DONSON: variants seen among roughly 807,000 people sequenced by gnomAD.
DONSON encodes the protein protein downstream neighbor of Son.
In DONSON, 43 loss-of-function variants were observed where a neutral mutation model predicts 62.1. The ratio of observed to expected loss-of-function variants is 0.69; its 90% confidence interval spans 0.54 to 0.89. The LOEUF is 0.89. DONSON is among the 40% of genes least tolerant of loss of function. The pLI is 0.00. For synonymous variants in DONSON, 266 were observed against 264.6 expected (o/e 1.01, Z -0.05); for missense variants, 696 against 697.5 (o/e 1.00, Z 0.03).
chr21:33,579,574 T>G lies in DONSON; in HGVS notation c.1351-12A>C. On this transcript the variant is annotated splice_polypyrimidine_tract_variant and intron_variant, in intron 8 of 9. Coordinates refer to ENST00000303071, the MANE Select transcript of DONSON (RefSeq NM_017613.4). The stretch of plus-strand genomic sequence containing the variant: ...TTCACACTCCGTGCCTTCATGAAAA[T>G]GTAAAGAAAAGGAAAATTAAGATCA... 2 of 1,605,554 alleles carry G rather than the reference T, an allele frequency of 1.2e-6. No homozygotes were observed. Among genetic ancestry groups the G allele is most frequent in the Non-Finnish European group, 1.7e-6 (2 of 1,174,304 alleles).
At chr21:33,585,693 T>G (rs2086569928) in intron 3 of DONSON, among the ~76,000 whole-genome samples, 1 of 152,002 alleles carries the variant, frequency 6.6e-6, no homozygotes, top group Non-Finnish European at 1.5e-5. Context: ...ATTTTCTTTC[T>G]CAAAAAGCCT....
At chr21:33,579,641 T>A in intron 8 of DONSON, 79 bp from the exon 9 acceptor site, 1 of 1,187,194 alleles carries the variant, frequency 8.4e-7, no homozygotes, top group African/African-American at 1.5e-5. Context: ...TTCAATATAT[T>A]TCCATTTGGG....
rs2086433600 is a variant in DONSON, at chr21:33,577,603, CTACACACACACACACACACACACACA to C, written c.*678_*703del. On this transcript the variant is annotated 3_prime_UTR_variant, in exon 10 of 10. Transcript: ENST00000303071. ...AAAATGTGAATTATACAGTCCCCCC[CTACACACACACACACACACACACACA>C]CACACACACACACACACACACACAC... 2.1e-4 allele frequency: 11 copies of C among 51,718 alleles called. 2 individuals carry two copies. The highest frequency in any genetic ancestry group is 7.5e-4 in the African/African-American group (10 of 13,332). 3.2% of individuals were successfully genotyped at this position (51,718 alleles called of 1,614,324 possible). A position where few individuals can be genotyped will look rare whatever the true frequency, so the allele number is the denominator to read the frequency against.
intron 2 of DONSON, among the ~76,000 whole-genome samples, chr21:33,587,138 G>C (rs929564576): frequency 6.6e-6 from 1 of 152,188 alleles, no homozygotes; most frequent in Admixed American, 6.5e-5. Context: ...TGTGTTAGGG[G>C]AGAGGAGCAA....
Position 33,578,274 on chromosome 21 carries a change from C to T in DONSON, c.*33G>A. ...AATTTCCTTGCTAGAAGGCTTTTTT[C>T]CTCAAAGATTCCTTTTAGGCTTACT... On this transcript the variant is annotated 3_prime_UTR_variant, in exon 10 of 10. Coordinates refer to ENST00000303071, the MANE Select transcript of DONSON (RefSeq NM_017613.4). 1 of 1,589,470 alleles carries T rather than the reference C, an allele frequency of 6.3e-7. No individual in the cohort carries two copies. The highest frequency in any genetic ancestry group is 1.8e-5 in the Admixed American group (1 of 55,806).
chr21:33,586,037 C>A lies in DONSON; in HGVS notation c.547G>T (p.Ala183Ser), dbSNP rs147415181. The change falls in exon 3 of 10, where the codon GCT becomes TCT. Residue 183 changes from alanine (A) to serine (S), a missense_variant. Coordinates refer to ENST00000303071, the MANE Select transcript of DONSON (RefSeq NM_017613.4). ...CTACAATGCTGGACAAGACCTTGAGCTTCTTCCTGTGCTTTCAAATGATCT... is the reference window on the plus strand; with the variant it reads ...CTACAATGCTGGACAAGACCTTGAGATTCTTCCTGTGCTTTCAAATGATCT... Reference protein sequence around the residue: ...WADHLKAQEEAQGLVQHCRAT... With the variant: ...WADHLKAQEESQGLVQHCRAT... 3.7e-4 allele frequency: 602 copies of A among 1,614,060 alleles called. 1 individual carries two copies. Among genetic ancestry groups the A allele is most frequent in the Non-Finnish European group, 4.6e-4 (539 of 1,180,032 alleles).
chr21:33,580,537 G>C (rs1012727685), intron 8 of DONSON, among the ~76,000 whole-genome samples: 34 of 130,216 alleles, frequency 2.6e-4, no homozygotes, highest in African/African-American at 9.5e-4. Flanking sequence ...TCCGATACTC[G>C]AGAGGCTGAG....
At chr21:33,583,255 T>TC (rs1293767420) in intron 5 of DONSON, among the ~76,000 whole-genome samples, 1 of 138,488 alleles carries the variant, frequency 7.2e-6, no homozygotes, top group African/African-American at 2.7e-5. Context: ...AACAGTTTCA[T>TC]CCCGAAACCA....
In DONSON at chr21:33,588,468, G is replaced by T. The variant is rs2086608304; in HGVS notation, c.174C>A (p.Phe58Leu). 2 of 1,292,714 alleles carry T rather than the reference G, an allele frequency of 1.5e-6. No individual in the cohort carries two copies. The highest frequency in any genetic ancestry group is 2.0e-6 in the Non-Finnish European group (2 of 1,022,072). The allele number at this position is 1,292,714 out of a possible 1,614,324, so 80.1% of individuals were successfully genotyped here. A position where few individuals can be genotyped will look rare whatever the true frequency, so the allele number is the denominator to read the frequency against. ...CACCGCCTCTGCCCCCCGCAGCAGG[G>T]AAAGGGCGAAGAGGCAGCCCCGCCA... ...ALVAGLPLRP[F>L]PAAGGRGGGS... The change falls in exon 1 of 10, where the codon TTC becomes TTA. Residue 58 changes from phenylalanine to leucine, a missense_variant. Physicochemically the swap from Phe to Leu is conservative, Grantham distance 22. Transcript: ENST00000303071.
rs199563522 is a variant in DONSON, at chr21:33,579,574, T to C, written c.1351-12A>G. The C allele has an allele frequency of 2.1e-4, 337 of 1,605,554 alleles. No homozygotes were observed. The highest frequency in any genetic ancestry group is 3.3e-4 in the Middle Eastern group (2 of 6,026). ...TTCACACTCCGTGCCTTCATGAAAA[T>C]GTAAAGAAAAGGAAAATTAAGATCA... is the stretch of plus-strand genomic sequence containing the variant. On this transcript the variant is annotated splice_polypyrimidine_tract_variant and intron_variant, in intron 8 of 9. Transcript: ENST00000303071.
intron 5 of DONSON, 63 bp downstream of exon 5, chr21:33,583,425 C>T: frequency 7.6e-7 from 1 of 1,309,124 alleles, no homozygotes; most frequent in East Asian, 2.5e-5. Flanking sequence ...ATTTAAATAG[C>T]TTTTAGGCCA....
intron 8 of DONSON, among the ~76,000 whole-genome samples, chr21:33,580,324 C>T (rs1371786692): frequency 1.0e-4 from 15 of 144,686 alleles, no homozygotes; most frequent in East Asian, 4.1e-4. Flanking sequence ...TTTGGGAGGC[C>T]GAGGGCAGAT....
intron 8 of DONSON, among the ~76,000 whole-genome samples, chr21:33,580,943 G>A (rs1210242424): frequency 2.0e-5 from 3 of 151,912 alleles, no homozygotes; most frequent in Admixed American, 2.0e-4. Flanking sequence ...GCTTGGTGGT[G>A]TGTGCTTGTA....
rs749015296 is a variant in DONSON at position 33,579,486 on chromosome 21, A to G, written c.1427T>C (p.Ile476Thr). The change falls in exon 9 of 10, where the codon ATC (isoleucine) becomes ACC (threonine). Residue 476 changes from isoleucine to threonine, a missense_variant. Ile to Thr is a moderately conservative substitution (Grantham distance 89). Transcript: ENST00000303071. The stretch of plus-strand genomic sequence containing the variant: ...CAGTGAATGCAGAGAATGAGGCATG[A>G]TAGGACCTGTAATCTCCAAACTAAA... The part of the protein sequence containing the change: ...DQFSLEITGP[I>T]MPHSLHSLTM... 1.2e-6 allele frequency: 2 copies of G among 1,614,250 alleles called. No homozygotes were observed. The highest frequency in any genetic ancestry group is 8.5e-7 in the Non-Finnish European group (1 of 1,180,020).
rs989415869 is a variant in DONSON at position 33,584,908 on chromosome 21, C to T, written c.607-140G>A. 51 of 676,100 alleles carry T rather than the reference C, an allele frequency of 7.5e-5. No homozygotes were observed. In the Admixed American group the frequency reaches 1.3e-3, roughly 18 times the overall value. The allele number at this position is 676,100 out of a possible 1,614,324, so 41.9% of individuals were successfully genotyped here. The stretch of plus-strand genomic sequence containing the variant: ...AAAGCATTAATAATTGTTATAGGAA[C>T]GAAAACATAGTTTATCCTTATTTGA... On this transcript the variant is annotated intron_variant, in intron 3 of 9. Coordinates refer to ENST00000303071, the MANE Select transcript of DONSON (RefSeq NM_017613.4).
In DONSON at chr21:33,578,195, T is replaced by C. The variant is rs1437521176; in HGVS notation, c.*112A>G. The C allele has an allele frequency of 4.1e-6, 5 of 1,207,316 alleles. No homozygotes were observed. The highest frequency in any genetic ancestry group is 1.5e-5 in the African/African-American group (1 of 65,502). The allele number at this position is 1,207,316 out of a possible 1,614,324, so 74.8% of individuals were successfully genotyped here. A position where few individuals can be genotyped will look rare whatever the true frequency, so the allele number is the denominator to read the frequency against. ...TTTAAAACCTTAGATGCTACTGTAG[T>C]AAAAGTTATGTTTATAAACATTTCA... On this transcript the variant is annotated 3_prime_UTR_variant, in exon 10 of 10. Transcript: ENST00000303071.
intron 5 of DONSON, 47 bp downstream of exon 5, chr21:33,583,441 G>A (rs1412972739): frequency 1.4e-6 from 2 of 1,416,236 alleles, no homozygotes; most frequent in Non-Finnish European, 9.5e-7. Flanking sequence ...GGCCAAAATA[G>A]GTTTACTATA....
rs1205273613 is a variant in DONSON at position 33,578,209 on chromosome 21, A to C, written c.*98T>G. ...TGCTACTGTAGTAAAAGTTATGTTT[A>C]TAAACATTTCAGTATATTCCTTCAA... is the stretch of plus-strand genomic sequence containing the variant. On this transcript the variant is annotated 3_prime_UTR_variant, in exon 10 of 10. Transcript: ENST00000303071. The C allele has an allele frequency of 1.5e-6, 2 of 1,328,226 alleles. No homozygotes were observed. The highest frequency in any genetic ancestry group is 2.7e-4 in the Middle Eastern group (1 of 3,702). The allele number at this position is 1,328,226 out of a possible 1,614,324, so 82.3% of individuals were successfully genotyped here.
chr21:33,581,601 G>T, intron 7 of DONSON, 101 bp from the exon 8 acceptor site: 1 of 943,188 alleles, frequency 1.1e-6, no homozygotes, highest in Non-Finnish European at 1.6e-6. Context: ...TCTCCATAAT[G>T]AAATGGAAAT....
Sources: allele counts gnomAD v4.1 joint callset (sites outside exome capture counted in the v4.1 genomes callset), GRCh38; gene constraint gnomAD v4.1.1; transcripts MANE v1.5; gene names NCBI Gene and HGNC (gene_info 2026-07-23, HGNC 2026-07-21).